LRRTM4: variants seen among roughly 807,000 people sequenced by gnomAD.
The protein encoded by LRRTM4 is leucine rich repeat transmembrane neuronal 4.
In LRRTM4, 25 loss-of-function variants were observed where a neutral mutation model predicts 47.6. The observed-to-expected ratio is 0.53, with a 90% CI of 0.38 to 0.73. LRRTM4 has a LOEUF of 0.73. LRRTM4 is among the 30% of genes least tolerant of loss of function. The pLI is 0.00. For synonymous variants in LRRTM4, 311 were observed against 269.5 expected (o/e 1.15, Z -1.51); for missense variants, 638 against 713.4 (o/e 0.89, Z 1.20).
chr2:77,285,158 T>G (rs141207261), intron 3 of LRRTM4, among the ~76,000 whole-genome samples: 75 of 151,860 alleles, frequency 4.9e-4, no homozygotes, highest in African/African-American at 1.5e-3. Flanking sequence ...TTTCCTGCTC[T>G]TTCATTTTCT....
chr2:76,991,817 G>A (rs1187145595), intron 3 of LRRTM4, among the ~76,000 whole-genome samples: 2 of 151,440 alleles, frequency 1.3e-5, no homozygotes, highest in Admixed American at 6.6e-5. Context: ...ATAAAACCAG[G>A]CACAAACACA....
intron 3 of LRRTM4, among the ~76,000 whole-genome samples, chr2:76,963,855 G>A (rs1408401646): frequency 1.3e-5 from 2 of 150,446 alleles, no homozygotes; most frequent in Admixed American, 1.3e-4. Flanking sequence ...TTTTTAGTAA[G>A]AGAATATTAC....
intron 3 of LRRTM4, among the ~76,000 whole-genome samples, chr2:77,050,368 A>G (rs1422204014): frequency 1.3e-5 from 2 of 152,154 alleles, no homozygotes; most frequent in African/African-American, 4.8e-5. Flanking sequence ...GATGCTATTT[A>G]TAATTGTAGG....
intron 3 of LRRTM4, among the ~76,000 whole-genome samples, chr2:77,141,777 G>A (rs1672130073): frequency 6.6e-6 from 1 of 151,944 alleles, no homozygotes; most frequent in South Asian, 2.1e-4. Flanking sequence ...TTTATTTTTT[G>A]ACCACTATAT....
intron 3 of LRRTM4, among the ~76,000 whole-genome samples, chr2:76,923,634 G>T (rs1222372604): frequency 6.6e-6 from 1 of 151,892 alleles, no homozygotes; most frequent in East Asian, 1.9e-4. Context: ...CATATTCTAG[G>T]AAAGCACTTC....
intron 3 of LRRTM4, among the ~76,000 whole-genome samples, chr2:77,114,920 T>G (rs1372923893): frequency 6.6e-6 from 1 of 152,140 alleles, no homozygotes; most frequent in Non-Finnish European, 1.5e-5. Context: ...ATGCATTGTC[T>G]TGATAAACAT....
chr2:77,414,942 C>T (rs1413837857), intron 3 of LRRTM4, among the ~76,000 whole-genome samples: 9 of 152,012 alleles, frequency 5.9e-5, no homozygotes, highest in Admixed American at 3.9e-4. Context: ...TTTGGATTTC[C>T]ACACATAATA....
chr2:77,303,056 G>T (rs1381422514), intron 3 of LRRTM4, among the ~76,000 whole-genome samples: 1 of 152,078 alleles, frequency 6.6e-6, no homozygotes. Context: ...CTCAGGCCCT[G>T]ACAATTTTTG....
chr2:77,383,482 T>C (rs1573340812), intron 3 of LRRTM4, among the ~76,000 whole-genome samples: 1 of 152,058 alleles, frequency 6.6e-6, no homozygotes. Context: ...CATCTATTTG[T>C]CAAAGCTTTG....
chr2:77,066,143 A>C (rs1679943542), intron 3 of LRRTM4, among the ~76,000 whole-genome samples: 1 of 152,186 alleles, frequency 6.6e-6, no homozygotes, highest in Admixed American at 6.5e-5. Flanking sequence ...AGAATAGCAT[A>C]CTGGTGAGGA....
intron 3 of LRRTM4, among the ~76,000 whole-genome samples, chr2:76,837,116 CTGTA>C (rs1558684926): frequency 6.6e-6 from 1 of 151,936 alleles, no homozygotes; most frequent in African/African-American, 2.4e-5. Flanking sequence ...TCTTGGGAGA[CTGTA>C]TGTGTCGAGG....
intron 3 of LRRTM4, among the ~76,000 whole-genome samples, chr2:76,832,957 A>T (rs1343554885): frequency 6.6e-6 from 1 of 152,098 alleles, no homozygotes; most frequent in African/African-American, 2.4e-5. Flanking sequence ...GAAGGAGAGT[A>T]TGGCACACTA....
intron 3 of LRRTM4, among the ~76,000 whole-genome samples, chr2:77,401,831 C>T (rs1558726125): frequency 1.3e-5 from 2 of 151,836 alleles, no homozygotes; most frequent in South Asian, 2.1e-4. Context: ...GTATCTTCTA[C>T]GATTAGATGT....
At chr2:77,340,334 C>T (rs998583620) in intron 3 of LRRTM4, among the ~76,000 whole-genome samples, 7 of 151,800 alleles carry the variant, frequency 4.6e-5, no homozygotes, top group African/African-American at 1.5e-4. Context: ...CAAAAACACA[C>T]TCCAAGTTGG....
At chr2:76,944,254 C>A (rs1328029740) in intron 3 of LRRTM4, among the ~76,000 whole-genome samples, 2 of 152,090 alleles carry the variant, frequency 1.3e-5, no homozygotes, top group African/African-American at 2.4e-5. Flanking sequence ...CTCTTTTATG[C>A]TCCTGACTCA....
At chr2:76,883,353 C>T (rs1427294728) in intron 3 of LRRTM4, among the ~76,000 whole-genome samples, 3 of 152,114 alleles carry the variant, frequency 2.0e-5, no homozygotes, top group South Asian at 2.1e-4. Context: ...ATAGTAAATG[C>T]CCAATTAATG....
At chr2:76,921,937 A>G (rs1674445733) in intron 3 of LRRTM4, among the ~76,000 whole-genome samples, 1 of 152,242 alleles carries the variant, frequency 6.6e-6, no homozygotes, top group African/African-American at 2.4e-5. Flanking sequence ...ATCTGAAGAG[A>G]TATTTGCATT....
Position 77,518,655 on chromosome 2 carries a change from G to A in LRRTM4, c.1214C>T (p.Ser405Phe). The A allele has an allele frequency of 6.2e-7, 1 of 1,613,460 alleles. No individual in the cohort carries two copies. Among genetic ancestry groups the A allele is most frequent in the Non-Finnish European group, 8.5e-7 (1 of 1,179,634 alleles). ...TQSTFETPSP[S>F]PGFQIPGAEQ... ...TGCGCCAGGAATCTGAAACCCTGGG[G>A]AAGGGCTTGGTGTTTCAAAGGTGGA... The change falls in exon 3 of 4, where the codon TCC (serine) becomes TTC (phenylalanine). Residue 405 changes from serine to phenylalanine, a missense_variant. Ser to Phe is a radical substitution (Grantham distance 155). Transcript: ENST00000409884.
At chr2:77,000,866 C>T (rs1677397935) in intron 3 of LRRTM4, among the ~76,000 whole-genome samples, 3 of 152,124 alleles carry the variant, frequency 2.0e-5, no homozygotes, top group African/African-American at 7.2e-5. Context: ...GGACCTTTCA[C>T]ATAGCAACAC....
Sources: allele counts gnomAD v4.1 joint callset (sites outside exome capture counted in the v4.1 genomes callset), GRCh38; gene constraint gnomAD v4.1.1; transcripts MANE v1.5; gene names NCBI Gene and HGNC (gene_info 2026-07-23, HGNC 2026-07-21).